The following ATG7 variants were observed in gnomAD, a reference collection of about 807,000 sequenced individuals.
ATG7 encodes the protein ubiquitin-like modifier-activating enzyme ATG7.
ATG7 carries 70 observed loss-of-function variants against 82.4 expected under a neutral mutation model. The ratio of observed to expected loss-of-function variants is 0.85; its 90% CI spans 0.70 to 1.04. The LOEUF is 1.04. ATG7 is among the 50% of genes least tolerant of loss of function. The pLI, the probability that ATG7 is intolerant of heterozygous loss-of-function variation, is 0.00. For synonymous variants in ATG7, 287 were observed against 313.0 expected, an observed-to-expected ratio of 0.92 and a Z score of 0.88; for missense variants, 792 against 864.3, an observed-to-expected ratio of 0.92 and a Z score of 1.05.
Position 11,542,377 on chromosome 3 carries a change from C to T in ATG7, c.2080-12434C>T, listed in dbSNP as rs371855056. Among the ~76,000 whole-genome samples, 214 of 152,328 alleles carry T rather than the reference C, an allele frequency of 1.4e-3. 2 individuals are homozygous for T. The highest frequency in any genetic ancestry group is 4.9e-3 in the African/African-American group (205 of 41,580). ...GAGGGGGAGACCTAGAGCAGCCTGT[C>T]GCTGTGGGCTGGGAATTCCAGAGTC... On this transcript the variant is annotated intron_variant, in intron 20 of 20. Transcript: ENST00000693202.
chr3:11,422,018 G>T (rs1004900194), intron 19 of ATG7, among the ~76,000 whole-genome samples: 6 of 152,180 alleles, frequency 3.9e-5, no homozygotes, highest in Non-Finnish European at 8.8e-5. Context: ...AAACAGATGT[G>T]CTGTTACCCA....
chr3:11,541,132 C>T (rs1232586911), intron 20 of ATG7, among the ~76,000 whole-genome samples: 1 of 152,156 alleles, frequency 6.6e-6, no homozygotes, highest in Non-Finnish European at 1.5e-5. Context: ...GATCTCCTGA[C>T]TTCGTGATCC....
At chr3:11,353,516 C>T (rs1450610859) in intron 14 of ATG7, among the ~76,000 whole-genome samples, 1 of 152,072 alleles carries the variant, frequency 6.6e-6, no homozygotes, top group African/African-American at 2.4e-5. Context: ...GGATGTTTGT[C>T]CTCTCCAAAT....
At chr3:11,438,763 G>A (rs1205948198) in intron 20 of ATG7, among the ~76,000 whole-genome samples, 3 of 152,088 alleles carry the variant, frequency 2.0e-5, no homozygotes, top group African/African-American at 7.2e-5. Flanking sequence ...TAATATGTGA[G>A]AGAGAAAGTG....
At chr3:11,564,319 CCAT>C in the ATG7 span, among the ~76,000 whole-genome samples, 1 of 152,290 alleles carries the variant, frequency 6.6e-6, no homozygotes, top group South Asian at 2.1e-4. Flanking sequence ...AACCCTGTGA[CCAT>C]CAACTGTGCA....
At chr3:11,373,487 C>T (rs185911725) in intron 18 of ATG7, among the ~76,000 whole-genome samples, 2 of 152,290 alleles carry the variant, frequency 1.3e-5, no homozygotes, top group East Asian at 3.9e-4. Flanking sequence ...ACCTGGAGCT[C>T]TTGTTAAACC....
chr3:11,408,599 T>C (rs2080582870), intron 19 of ATG7, among the ~76,000 whole-genome samples: 1 of 152,154 alleles, frequency 6.6e-6, no homozygotes, highest in Non-Finnish European at 1.5e-5. Flanking sequence ...TTCCACATGG[T>C]TGGGGAGGCC....
intron 20 of ATG7, among the ~76,000 whole-genome samples, chr3:11,531,652 G>A (rs2092696579): frequency 6.6e-6 from 1 of 152,148 alleles, no homozygotes; most frequent in East Asian, 1.9e-4. Context: ...GAGTTGGATT[G>A]CCTGAGCCCA....
intron 20 of ATG7, among the ~76,000 whole-genome samples, chr3:11,433,587 A>C (rs1044410566): frequency 6.6e-6 from 1 of 152,216 alleles, no homozygotes. Flanking sequence ...TATCCCTGAG[A>C]AATTCAAATT....
Position 11,503,599 on chromosome 3 carries a change from T to C in ATG7, c.2080-51212T>C, listed in dbSNP as rs557073491. Among the ~76,000 whole-genome samples the C allele has an allele frequency of 7.3e-5, 11 of 151,368 alleles. No individual in the cohort carries two copies. In the South Asian group the frequency reaches 1.0e-3, roughly 14 times the overall value. ...TGATGAAACCCCATCTCTACTAAAATACAAAAATTAGCTGGGCATGGTGGC... is the reference window on the plus strand; with the variant it reads ...TGATGAAACCCCATCTCTACTAAAACACAAAAATTAGCTGGGCATGGTGGC... On this transcript the variant is annotated intron_variant, in intron 20 of 20. Coordinates refer to ENST00000693202, the MANE Select transcript of ATG7 (RefSeq NM_001349232.2).
At position 11,318,788 on chromosome 3, in the gene ATG7, CCATCTCTCTGCCTGCAGA is replaced by C. The variant is rs533861645; in HGVS notation, c.678+3306_678+3323del. 6.1e-4 allele frequency among the ~76,000 whole-genome samples: 93 copies of C among 152,292 alleles called. 1 individual carries two copies. The East Asian group carries it at 0.017, about 28-fold the overall frequency. On this transcript the variant is annotated intron_variant, in intron 9 of 20. Transcript: ENST00000693202. ...TGCCCTCCAAATGCCGCAGCTTCCC[CCATCTCTCTGCCTGCAGA>C]CATCTCTCTGTCTCCCTTCTGTCAC...
intron 20 of ATG7, among the ~76,000 whole-genome samples, chr3:11,518,656 A>G (rs1036124012): frequency 6.6e-6 from 1 of 152,152 alleles, no homozygotes; most frequent in Non-Finnish European, 1.5e-5. Context: ...TGAGATGGAG[A>G]TGGACATCTG....
intron 20 of ATG7, among the ~76,000 whole-genome samples, chr3:11,474,594 T>G (rs948842446): frequency 1.3e-5 from 2 of 152,156 alleles, no homozygotes; most frequent in Non-Finnish European, 2.9e-5. Context: ...AGTAAGCCCC[T>G]ATCTCCCCAT....
chr3:11,450,860 CT>C (rs1169886344), intron 20 of ATG7, among the ~76,000 whole-genome samples: 2 of 152,210 alleles, frequency 1.3e-5, no homozygotes, highest in Admixed American at 1.3e-4. Flanking sequence ...CCAACCTCAA[CT>C]GCTTTTCTAG....
At chr3:11,551,423 G>A (rs1266167375) in intron 20 of ATG7, among the ~76,000 whole-genome samples, 6 of 152,178 alleles carry the variant, frequency 3.9e-5, no homozygotes, top group Admixed American at 6.5e-5. Flanking sequence ...ATGTTGAATC[G>A]TCCTATGCAG....
chr3:11,315,319 A>G, intron 8 of ATG7, 25 bp from the exon 9 acceptor site: 1 of 1,526,220 alleles, frequency 6.6e-7, no homozygotes. Context: ...TTTCTAGAGA[A>G]TAACAACGTG....
At chr3:11,507,952 T>TA (rs34637587) in intron 20 of ATG7, among the ~76,000 whole-genome samples, 82,754 of 147,950 alleles carry the variant, frequency 0.56, 23,218 homozygotes, top group East Asian at 0.65. Flanking sequence ...TGCTGGTAAT[T>TA]AAAAAAAAAA....
At chr3:11,377,376 G>T (rs947617385) in intron 18 of ATG7, among the ~76,000 whole-genome samples, 3 of 152,176 alleles carry the variant, frequency 2.0e-5, no homozygotes, top group Non-Finnish European at 4.4e-5. Flanking sequence ...GAACGGTGGT[G>T]TGTGGACCCT....
At chr3:11,519,406 A>G (rs2092371476) in intron 20 of ATG7, among the ~76,000 whole-genome samples, 2 of 152,058 alleles carry the variant, frequency 1.3e-5, no homozygotes, top group African/African-American at 4.8e-5. Flanking sequence ...TTTTGATGCT[A>G]TTCTTGGGAT....
Sources: allele counts gnomAD v4.1 joint callset (sites outside exome capture counted in the v4.1 genomes callset), GRCh38; gene constraint gnomAD v4.1.1; transcripts MANE v1.5; gene names NCBI Gene and HGNC (gene_info 2026-07-23, HGNC 2026-07-21).